The following RYR2 variants were observed in gnomAD, a reference collection of about 807,000 sequenced individuals.
RYR2 encodes cardiac muscle ryanodine receptor-calcium release channel.
Under a neutral mutation model 601.1 loss-of-function variants are expected in RYR2, and 227 were observed. The observed-to-expected ratio is 0.38, with a 90% confidence interval of 0.34 to 0.42. The LOEUF is 0.42. Ranked by LOEUF, RYR2 falls within the 10% of genes least tolerant of loss-of-function variation. The pLI, the probability that RYR2 is intolerant of heterozygous loss-of-function variation, is 1.00. For synonymous variants in RYR2, 2,223 were observed against 2,175.1 expected, an observed-to-expected ratio of 1.02 and a Z score of -0.61; for missense variants, 4,646 against 6,156.5, an observed-to-expected ratio of 0.75 and a Z score of 8.21.
At chr1:237,829,167 G>T (rs1663495982) in intron 102 of RYR2, among the ~76,000 whole-genome samples, 1 of 152,190 alleles carries the variant, frequency 6.6e-6, no homozygotes, top group Non-Finnish European at 1.5e-5. Flanking sequence ...AGTTTAATAT[G>T]TGGGCTGTGG....
chr1:237,489,992 C>T (rs954662385), intron 17 of RYR2, among the ~76,000 whole-genome samples: 2 of 152,108 alleles, frequency 1.3e-5, no homozygotes, highest in African/African-American at 2.4e-5. Flanking sequence ...CATAGAATAC[C>T]ACGCAGCCAT....
chr1:237,383,969 A>G (rs1243308105), intron 8 of RYR2, among the ~76,000 whole-genome samples: 1 of 152,120 alleles, frequency 6.6e-6, no homozygotes, highest in African/African-American at 2.4e-5. Flanking sequence ...TTTTTGCTTT[A>G]AGGATAATTC....
intron 97 of RYR2, among the ~76,000 whole-genome samples, chr1:237,800,401 A>AAGAT (rs1384805308): frequency 6.6e-6 from 1 of 152,110 alleles, no homozygotes; most frequent in African/African-American, 2.4e-5. Flanking sequence ...TTATAGTTCA[A>AAGAT]AGATAACTTT....
At chr1:237,713,765 T>G (rs1314569747) in intron 71 of RYR2, among the ~76,000 whole-genome samples, 1 of 152,152 alleles carries the variant, frequency 6.6e-6, no homozygotes, top group Non-Finnish European at 1.5e-5. Flanking sequence ...AAGTTCTCTG[T>G]GTTTATTTGT....
intron 1 of RYR2, among the ~76,000 whole-genome samples, chr1:237,162,412 CT>C (rs1444046908): frequency 6.6e-6 from 1 of 151,992 alleles, no homozygotes; most frequent in Admixed American, 6.6e-5. Flanking sequence ...TCTCAAGGAG[CT>C]GAAAAATGGT....
At chr1:237,056,643 T>TTGCATCTGTGAGCCAAGGAGC (rs1662147351) in intron 1 of RYR2, among the ~76,000 whole-genome samples, 1 of 23,704 alleles carries the variant, frequency 4.2e-5, no homozygotes, top group African/African-American at 1.3e-4. Context: ...AGGACTGGAG[T>TTGCATCTGTGAGCCAAGGAGC]ACTGCAGCTA....
chr1:237,586,131 T>G (rs998211146), intron 29 of RYR2, among the ~76,000 whole-genome samples: 1 of 152,196 alleles, frequency 6.6e-6, no homozygotes, highest in African/African-American at 2.4e-5. Flanking sequence ...ATCAACTTTT[T>G]GTTTTGAGGA....
At chr1:237,103,859 G>A (rs1423196908) in intron 1 of RYR2, among the ~76,000 whole-genome samples, 3 of 152,098 alleles carry the variant, frequency 2.0e-5, no homozygotes, top group Non-Finnish European at 4.4e-5. Flanking sequence ...GTGAGCCACC[G>A]CGGCCAGCCC....
At chr1:237,310,457 A>G (rs531398947) in intron 2 of RYR2, among the ~76,000 whole-genome samples, 1 of 152,322 alleles carries the variant, frequency 6.6e-6, no homozygotes, top group South Asian at 2.1e-4. Flanking sequence ...TAGCTACTTT[A>G]TGTTCACCTG....
At chr1:237,322,575 A>T (rs1418174966) in intron 2 of RYR2, among the ~76,000 whole-genome samples, 3 of 152,150 alleles carry the variant, frequency 2.0e-5, no homozygotes, top group Non-Finnish European at 4.4e-5. Flanking sequence ...CCTGTCACAG[A>T]ACTCCCTAGA....
chr1:237,238,997 A>G (rs1334379816), intron 1 of RYR2, among the ~76,000 whole-genome samples: 1 of 152,178 alleles, frequency 6.6e-6, no homozygotes, highest in East Asian at 1.9e-4. Flanking sequence ...TCATGAAGAC[A>G]TTGAGTGTGC....
At chr1:237,336,866 A>T (rs10802603) in intron 3 of RYR2, among the ~76,000 whole-genome samples, 16,099 of 151,582 alleles carry the variant, frequency 0.11, 1,028 homozygotes, top group East Asian at 0.18. Context: ...CTAAATAAAT[A>T]AATAAATTAA....
chr1:237,588,192 T>A (rs1674746689), intron 29 of RYR2, among the ~76,000 whole-genome samples: 1 of 152,156 alleles, frequency 6.6e-6, no homozygotes, highest in South Asian at 2.1e-4. Flanking sequence ...CACAGCTGGA[T>A]ATGTTCTTTT....
chr1:237,736,231 C>T (rs551847344), intron 79 of RYR2, among the ~76,000 whole-genome samples: 5 of 152,032 alleles, frequency 3.3e-5, no homozygotes, highest in South Asian at 2.1e-4. Flanking sequence ...GAGGCCGAGG[C>T]GGATGGATCA....
At chr1:237,251,718 T>A (rs1687483520) in intron 1 of RYR2, among the ~76,000 whole-genome samples, 2 of 152,196 alleles carry the variant, frequency 1.3e-5, no homozygotes, top group Admixed American at 1.3e-4. Context: ...ATGACATTTT[T>A]CTTGAATTCC....
intron 1 of RYR2, among the ~76,000 whole-genome samples, chr1:237,045,869 G>GTTTT (rs768636054): frequency 1.6e-4 from 9 of 56,936 alleles, no homozygotes; most frequent in African/African-American, 7.6e-4. Context: ...CTTGGTCAAG[G>GTTTT]TTTTTTTTTT....
chr1:237,736,907 A>G (rs765381012), intron 79 of RYR2, among the ~76,000 whole-genome samples: 49 of 152,342 alleles, frequency 3.2e-4, no homozygotes, highest in Non-Finnish European at 3.4e-4. Context: ...GATTTCTGCC[A>G]GACTCTTGTT....
intron 29 of RYR2, among the ~76,000 whole-genome samples, chr1:237,587,796 G>T (rs6429026): frequency 1.3e-5 from 2 of 151,910 alleles, no homozygotes; most frequent in Non-Finnish European, 2.9e-5. Context: ...GAAACAAATA[G>T]CCAAAGGTCA....
chr1:237,126,123 G>A (rs1398563634), intron 1 of RYR2, among the ~76,000 whole-genome samples: 3 of 152,020 alleles, frequency 2.0e-5, no homozygotes, highest in Non-Finnish European at 2.9e-5. Flanking sequence ...TGTAATCCCA[G>A]CTACTCGGGA....
Sources: gnomAD v4.1 joint callset for allele counts (sites outside exome capture counted in the v4.1 genomes callset) on GRCh38, gnomAD v4.1.1 for gene constraint, MANE v1.5 for transcripts, NCBI Gene and HGNC (gene_info 2026-07-23, HGNC 2026-07-21) for gene names.